Variants in CPVL observed in about 807,000 individuals in gnomAD.
CPVL encodes probable serine carboxypeptidase CPVL.
A neutral mutation model predicts 63.7 loss-of-function variants in CPVL; 51 were observed. The ratio of observed to expected loss-of-function variants is 0.80; its 90% CI spans 0.64 to 1.01. The LOEUF (loss-of-function observed/expected upper bound fraction) is 1.01, where lower values mean the gene tolerates loss of function less well. Ranked by LOEUF, CPVL falls within the 50% of genes least tolerant of loss-of-function variation. The pLI, the probability that CPVL is intolerant of heterozygous loss-of-function variation, is 0.00. For missense variants in CPVL, 530 were observed against 573.1 expected, an observed-to-expected ratio of 0.92 and a Z score of 0.77; for synonymous variants, 195 against 206.0, an observed-to-expected ratio of 0.95 and a Z score of 0.46.
At chr7:29,042,811 TA>T (rs1789246324) in intron 11 of CPVL, among the ~76,000 whole-genome samples, 1 of 152,118 alleles carries the variant, frequency 6.6e-6, no homozygotes, top group Non-Finnish European at 1.5e-5. Context: ...GGAGAAATGC[TA>T]AACAGCCTGC....
intron 5 of CPVL, among the ~76,000 whole-genome samples, chr7:29,165,673 T>A (rs759139783): frequency 6.6e-6 from 1 of 152,362 alleles, no homozygotes; most frequent in Admixed American, 6.5e-5. Flanking sequence ...GGTGAGGTGT[T>A]AACTGTAGGC....
chr7:29,071,807 TG>T lies in CPVL; in HGVS notation c.829del (p.His277ThrfsTer18), dbSNP rs1477353346. 6.2e-7 allele frequency: 1 copy of T among 1,613,138 alleles called. No individual in the cohort carries two copies. On this transcript the variant is annotated frameshift_variant, in exon 9 of 13. Coordinates refer to ENST00000265394, the MANE Select transcript of CPVL (RefSeq NM_031311.5). LOFTEE classifies it high-confidence loss of function. Reference sequence around the variant, plus strand: ...CTCAAACCAGTTCTGCTTCCTGATGTGTTCTATGCATTCATGGCACTGCTTC... The same window carrying T: ...CTCAAACCAGTTCTGCTTCCTGATGTTTCTATGCATTCATGGCACTGCTTC... ...FQKQCHECIE[H>X]IRKQNWFEAF...
At position 28,996,184 on chromosome 7, in the gene CPVL, C is replaced by T. The variant is rs1437527562; in HGVS notation, c.1321-302G>A. 1.2e-5 allele frequency: 3 copies of T among 253,928 alleles called. No homozygotes were observed. In the South Asian group the frequency reaches 1.7e-4, roughly 14 times the overall value. 15.7% of individuals were successfully genotyped at this position (253,928 alleles called of 1,614,324 possible). The stretch of plus-strand genomic sequence containing the variant: ...CTCTAGAGAGTGATCTGCCTGCTCC[C>T]CGCAGTTGAGAGTGCTGCACTGCAA... On this transcript the variant is annotated intron_variant, in intron 12 of 12. Transcript: ENST00000265394.
At chr7:29,038,538 G>T (rs563114827) in intron 11 of CPVL, among the ~76,000 whole-genome samples, 2 of 152,078 alleles carry the variant, frequency 1.3e-5, no homozygotes, top group Non-Finnish European at 2.9e-5. Flanking sequence ...TTAAATATTC[G>T]GAGATCTGAC....
intron 2 of CPVL, among the ~76,000 whole-genome samples, chr7:29,120,141 GC>G (rs1789209689): frequency 6.6e-6 from 1 of 152,160 alleles, no homozygotes; most frequent in African/African-American, 2.4e-5. Flanking sequence ...TTTGACATAG[GC>G]TGGGTGCGGT....
chr7:29,032,620 A>G (rs1179671120), intron 11 of CPVL, among the ~76,000 whole-genome samples: 4 of 152,216 alleles, frequency 2.6e-5, no homozygotes, highest in African/African-American at 9.7e-5. Flanking sequence ...AGACCTGATT[A>G]TAGCTGATTA....
Position 29,061,179 on chromosome 7 carries a change from G to A in CPVL, c.1137+2882C>T, listed in dbSNP as rs540111640. On this transcript the variant is annotated intron_variant, in intron 11 of 12. Coordinates refer to ENST00000265394, the MANE Select transcript of CPVL (RefSeq NM_031311.5). ...TCCCAGCACTTTGGGAGGCCGAGGC[G>A]GGTGGATCACCTGAGGTCAGGAGTT... Among the ~76,000 whole-genome samples the A allele has an allele frequency of 2.1e-4, 32 of 152,234 alleles. No individual in the cohort carries two copies. In the East Asian group the frequency reaches 4.8e-3, roughly 23 times the overall value.
intron 11 of CPVL, among the ~76,000 whole-genome samples, chr7:29,059,951 A>C (rs1389970940): frequency 6.6e-6 from 1 of 152,166 alleles, no homozygotes; most frequent in Non-Finnish European, 1.5e-5. Context: ...AACAAATCTA[A>C]AAAGAGTTCT....
intron 7 of CPVL, among the ~76,000 whole-genome samples, chr7:29,085,799 G>C (rs556725952): frequency 6.6e-6 from 1 of 152,278 alleles, no homozygotes; most frequent in East Asian, 1.9e-4. Flanking sequence ...TAATGATCTT[G>C]CTCAAATGTT....
chr7:29,093,034 A>G (rs17749450), intron 5 of CPVL, among the ~76,000 whole-genome samples: 12,234 of 152,142 alleles, frequency 0.08, 616 homozygotes, highest in Middle Eastern at 0.14. Flanking sequence ...TACAGTATCA[A>G]AAGATCCAAA....
intron 12 of CPVL, chr7:29,009,358 T>A (rs1390482248): frequency 6.6e-6 from 1 of 152,076 alleles, no homozygotes; most frequent in African/African-American, 2.4e-5. Context: ...TCAGAACTCT[T>A]ATACTTTACC....
chr7:29,188,534 T>G (rs1798993752), intron 1 of CPVL, among the ~76,000 whole-genome samples: 1 of 152,128 alleles, frequency 6.6e-6, no homozygotes. Context: ...TTTTTTTATT[T>G]TTTTTTTAAA....
At chr7:29,141,837 C>A (rs1791921741) in intron 1 of CPVL, among the ~76,000 whole-genome samples, 1 of 152,038 alleles carries the variant, frequency 6.6e-6, no homozygotes. Flanking sequence ...ATCACTTGAA[C>A]CCAGGAGGCA....
chr7:29,075,915 G>A (rs1784192473), intron 7 of CPVL, among the ~76,000 whole-genome samples: 1 of 139,266 alleles, frequency 7.2e-6, no homozygotes, highest in Admixed American at 7.1e-5. Flanking sequence ...CTGAAATATT[G>A]TAATAAAATT....
intron 3 of CPVL, among the ~76,000 whole-genome samples, chr7:29,106,796 T>C (rs1237753472): frequency 2.0e-5 from 3 of 152,176 alleles, no homozygotes; most frequent in Non-Finnish European, 4.4e-5. Context: ...AGCCTAGAAG[T>C]ACAAGACAAG....
chr7:29,171,904 G>A (rs73090853), intron 5 of CPVL, among the ~76,000 whole-genome samples: 1 of 152,260 alleles, frequency 6.6e-6, no homozygotes, highest in Non-Finnish European at 1.5e-5. Flanking sequence ...TTGGAGGGAA[G>A]CCCCCAATTC....
chr7:29,038,716 T>C (rs1788778915), intron 11 of CPVL, among the ~76,000 whole-genome samples: 1 of 152,196 alleles, frequency 6.6e-6, no homozygotes. Flanking sequence ...GAGAAAAATA[T>C]TCTCTGTATC....
Position 29,071,603 on chromosome 7 carries a change from C to T in CPVL, c.864+170G>A, listed in dbSNP as rs1265571019. 1.3e-5 allele frequency among the ~76,000 whole-genome samples: 2 copies of T among 152,210 alleles called. 1 individual carries two copies. The highest frequency in any genetic ancestry group is 3.8e-4 in the East Asian group (2 of 5,202). ...GTAAATTCAAAGGAACACAGACAGT[C>T]CTTTTCTTCATTATGAGGCCACTCA... On this transcript the variant is annotated intron_variant, in intron 9 of 12. Transcript: ENST00000265394.
In CPVL at chr7:29,072,358, C is replaced by T; in HGVS notation, c.675G>A (p.Glu225=). The T allele has an allele frequency of 6.2e-7, 1 of 1,614,002 alleles. No individual in the cohort carries two copies. The highest frequency in any genetic ancestry group is 8.5e-7 in the Non-Finnish European group (1 of 1,179,936). ...CAATTCCGTTCAGGTTGATCTTCACCTCTCTCACAGGGTTGAGGGAATGGA... is the reference window on the plus strand; with the variant it reads ...CAATTCCGTTCAGGTTGATCTTCACTTCTCTCACAGGGTTGAGGGAATGGA... ...HLIHSLNPVR[E]VKINLNGIAI... The change falls in exon 8 of 13, where the codon GAG becomes GAA. Residue 225 remains glutamate (E), a synonymous_variant. Coordinates refer to ENST00000265394, the MANE Select transcript of CPVL (RefSeq NM_031311.5).
Sources: gnomAD v4.1 joint callset for allele counts (sites outside exome capture counted in the v4.1 genomes callset) on GRCh38, gnomAD v4.1.1 for gene constraint, MANE v1.5 for transcripts, NCBI Gene and HGNC (gene_info 2026-07-23, HGNC 2026-07-21) for gene names.